TUB: variants seen among roughly 807,000 people sequenced by gnomAD.
TUB encodes tubby protein homolog.
A neutral mutation model predicts 59.7 loss-of-function variants in TUB; 33 were observed. The ratio of observed to expected loss-of-function variants is 0.55; its 90% CI spans 0.42 to 0.74. The LOEUF is 0.74. TUB is among the 30% of genes least tolerant of loss of function. The pLI is 0.00. For synonymous variants in TUB, 293 were observed against 256.4 expected (o/e 1.14, Z -1.36); for missense variants, 659 against 672.0 (o/e 0.98, Z 0.21).
At chr11:8,083,231 G>A (rs989055498) in intron 1 of TUB, among the ~76,000 whole-genome samples, 1 of 152,190 alleles carries the variant, frequency 6.6e-6, no homozygotes, top group African/African-American at 2.4e-5. Context: ...TGCTGTGGAA[G>A]TACCTGTGTG....
intron 2 of TUB, among the ~76,000 whole-genome samples, chr11:8,066,236 G>A (rs1340065862): frequency 6.6e-6 from 1 of 152,196 alleles, no homozygotes; most frequent in African/African-American, 2.4e-5. Flanking sequence ...CTCAGACGCT[G>A]GACATGAGGT....
intron 2 of TUB, among the ~76,000 whole-genome samples, chr11:8,063,532 C>G (rs1194905593): frequency 2.0e-5 from 3 of 152,208 alleles, no homozygotes; most frequent in African/African-American, 7.2e-5. Context: ...CCAGACTGCA[C>G]ATGTCCACAC....
chr11:8,095,687 T>C (rs1192162515), intron 5 of TUB, 22 bp downstream of exon 5: 1 of 1,567,640 alleles, frequency 6.4e-7, no homozygotes, highest in Non-Finnish European at 8.7e-7. Context: ...GGGGACCCAG[T>C]GATACCCCCA....
chr11:8,032,463 C>G (rs1395636816), intron 1 of TUB, among the ~76,000 whole-genome samples: 7 of 152,202 alleles, frequency 4.6e-5, no homozygotes, highest in Non-Finnish European at 7.3e-5. Flanking sequence ...TGGGCAGCAG[C>G]CTGTTTTAAA....
intron 3 of TUB, among the ~76,000 whole-genome samples, chr11:8,091,958 C>T (rs1943790294): frequency 6.6e-6 from 1 of 152,254 alleles, no homozygotes; most frequent in African/African-American, 2.4e-5. Flanking sequence ...AGTGAGGCTG[C>T]ATACAGAATA....
At chr11:8,028,709 G>C (rs148332570) in intron 1 of TUB, among the ~76,000 whole-genome samples, 1 of 152,268 alleles carries the variant, frequency 6.6e-6, no homozygotes, top group Non-Finnish European at 1.5e-5. Flanking sequence ...TGGCACCCTG[G>C]TCAAAAATCA....
chr11:8,101,846 T>G lies in TUB; in HGVS notation c.*227T>G. 2.0e-6 allele frequency: 1 copy of G among 503,050 alleles called. No individual in the cohort carries two copies. The highest frequency in any genetic ancestry group is 3.2e-6 in the Non-Finnish European group (1 of 317,168). 31.2% of individuals were successfully genotyped at this position (503,050 alleles called of 1,614,324 possible). On this transcript the variant is annotated 3_prime_UTR_variant, in exon 12 of 12. Transcript: ENST00000299506. ...GGTGGGTGTGAAGGGATGAGAATAA[T>G]TCTTTCCATGCCACGAGATCAACAC...
intron 1 of TUB, among the ~76,000 whole-genome samples, chr11:8,086,894 T>C (rs1189322995): frequency 6.6e-6 from 1 of 152,220 alleles, no homozygotes; most frequent in Non-Finnish European, 1.5e-5. Context: ...CATATTTCTC[T>C]GAAGGCCAGT....
At chr11:8,066,779 A>G (rs1589946109) in intron 2 of TUB, among the ~76,000 whole-genome samples, 2 of 152,258 alleles carry the variant, frequency 1.3e-5, no homozygotes, top group East Asian at 3.9e-4. Context: ...TGGTTATGGA[A>G]GCAGGTTGAA....
intron 2 of TUB, among the ~76,000 whole-genome samples, chr11:8,053,692 G>C (rs936425732): frequency 2.6e-5 from 4 of 151,230 alleles, no homozygotes; most frequent in African/African-American, 9.7e-5. Flanking sequence ...TAATAGAGAC[G>C]GGGTTTCACC....
Position 8,101,528 on chromosome 11 carries a change from T to C in TUB, c.1430T>C (p.Val477Ala), listed in dbSNP as rs758658015. The part of the protein sequence containing the change: ...VMQFGRVAED[V>A]FTMDYNYPLC... ...CAGTTTGGCCGGGTAGCAGAGGATGTGTTCACCATGGATTACAACTACCCG... is the reference window on the plus strand; with the variant it reads ...CAGTTTGGCCGGGTAGCAGAGGATGCGTTCACCATGGATTACAACTACCCG... Residue 477 changes from valine (V) to alanine (A), a missense_variant, in exon 12 of 12, where the codon GTG (valine) becomes GCG (alanine). Coordinates refer to ENST00000299506, the MANE Select transcript of TUB (RefSeq NM_177972.3). 2 of 1,614,204 alleles carry C rather than the reference T, an allele frequency of 1.2e-6. No homozygotes were observed. The highest frequency in any genetic ancestry group is 1.7e-6 in the Non-Finnish European group (2 of 1,180,036).
At chr11:8,059,305 G>C (rs1330689584) in intron 2 of TUB, among the ~76,000 whole-genome samples, 1 of 152,186 alleles carries the variant, frequency 6.6e-6, no homozygotes. Context: ...GCCCAGCAGA[G>C]GAGACATCCA....
chr11:8,036,562 G>A (rs1025298864), upstream of TUB, among the ~76,000 whole-genome samples: 2 of 152,208 alleles, frequency 1.3e-5, no homozygotes, highest in Admixed American at 1.3e-4. Flanking sequence ...GAAGGGAGGT[G>A]TGTTTGAGCT....
At chr11:8,086,257 C>A (rs999771434) in intron 1 of TUB, among the ~76,000 whole-genome samples, 1 of 152,156 alleles carries the variant, frequency 6.6e-6, no homozygotes, top group Non-Finnish European at 1.5e-5. Context: ...GTGTGGTTAT[C>A]GTTTAGGTCA....
In TUB at chr11:8,105,570, A is replaced by AT. The variant is rs1944531647; in HGVS notation, c.*3955dup. ...CACTACTGCACTTAGTAGCTATGTG[A>AT]TTTTGAGCAAACCACATAATCTCTC... On this transcript the variant is annotated 3_prime_UTR_variant, in exon 12 of 12. Coordinates refer to ENST00000299506, the MANE Select transcript of TUB (RefSeq NM_177972.3). 6.6e-6 allele frequency: 1 copy of AT among 152,184 alleles called. No individual in the cohort carries two copies. The highest frequency in any genetic ancestry group is 1.5e-5 in the Non-Finnish European group (1 of 68,014). The allele number at this position is 152,184 out of a possible 1,614,324, so 9.4% of individuals were successfully genotyped here.
rs967671662 is a variant in TUB, at chr11:8,104,557, C to T, written c.*2938C>T. ...AAAGGAATAAGGATGTTGTTATGAT[C>T]GCCTGTGGATTTTGTCCATTCATCT... is the stretch of plus-strand genomic sequence containing the variant. On this transcript the variant is annotated 3_prime_UTR_variant, in exon 12 of 12. Transcript: ENST00000299506. 2.0e-5 allele frequency: 3 copies of T among 152,180 alleles called. No individual in the cohort carries two copies. Among genetic ancestry groups the T allele is most frequent in the Non-Finnish European group, 4.4e-5 (3 of 68,030 alleles). The allele number at this position is 152,180 out of a possible 1,614,324, so 9.4% of individuals were successfully genotyped here.
chr11:8,039,149 C>T (rs2133728434), intron 1 of TUB: 1 of 1,276,250 alleles, frequency 7.8e-7, no homozygotes, highest in South Asian at 1.5e-5. Context: ...GATGGTGCTG[C>T]TCCCCTATCA....
chr11:8,082,932 C>G (rs1014676975), intron 1 of TUB, among the ~76,000 whole-genome samples: 5 of 152,174 alleles, frequency 3.3e-5, no homozygotes, highest in Non-Finnish European at 7.3e-5. Flanking sequence ...ACAGGTCACC[C>G]ACAGGCTCTC....
At chr11:8,038,836 G>C in exon 1 of TUB, 1 of 1,606,946 alleles carries the variant, frequency 6.2e-7, no homozygotes, top group East Asian at 2.2e-5. Flanking sequence ...AGCCTGAAGT[G>C]GGACCATCCC....
Sources: gnomAD v4.1 joint callset for allele counts (sites outside exome capture counted in the v4.1 genomes callset) on GRCh38, gnomAD v4.1.1 for gene constraint, MANE v1.5 for transcripts, NCBI Gene and HGNC (gene_info 2026-07-23, HGNC 2026-07-21) for gene names.